The following MSRA variants were observed in gnomAD, a reference collection of about 807,000 sequenced individuals.
MSRA encodes the protein methionine sulfoxide reductase A, also known as mitochondrial peptide methionine sulfoxide reductase.
A neutral mutation model predicts 31.3 loss-of-function variants in MSRA; 54 were observed. The ratio of observed to expected loss-of-function variants is 1.73; its 90% confidence interval spans 1.39 to 2.17. MSRA has a LOEUF of 2.17. MSRA is among the 30% of genes most tolerant of loss of function. MSRA has a pLI of 0.00. For synonymous variants in MSRA, 169 were observed against 116.5 expected, an observed-to-expected ratio of 1.45 and a Z score of -2.90; for missense variants, 507 against 300.9, an observed-to-expected ratio of 1.69 and a Z score of -5.07.
At chr8:10,336,281 C>T (rs1342239248) in intron 5 of MSRA, among the ~76,000 whole-genome samples, 1 of 151,946 alleles carries the variant, frequency 6.6e-6, no homozygotes, top group East Asian at 1.9e-4. Context: ...AAAAATAGGA[C>T]CTGATTGGAG....
intron 2 of MSRA, among the ~76,000 whole-genome samples, chr8:10,241,080 G>A (rs1585250549): frequency 6.6e-6 from 1 of 152,032 alleles, no homozygotes; most frequent in Non-Finnish European, 1.5e-5. Context: ...TAATCTGGTG[G>A]GTCTGATGGG....
Position 10,207,816 on chromosome 8 carries a change from T to C in MSRA, c.143-17T>C, listed in dbSNP as rs1258719465. 1 of 432,084 alleles carries C rather than the reference T, an allele frequency of 2.3e-6. No homozygotes were observed. Among genetic ancestry groups the C allele is most frequent in the Admixed American group, 4.6e-5 (1 of 21,814 alleles). 26.8% of individuals were successfully genotyped at this position (432,084 alleles called of 1,614,324 possible). ...AACTTTACACTTAAACTTGCATTTC[T>C]TTTTTTTTTTTTCTAGCCAAACATC... On this transcript the variant is annotated splice_polypyrimidine_tract_variant and intron_variant, in intron 1 of 5. Transcript: ENST00000317173.
chr8:10,389,777 C>A (rs1332534257), intron 5 of MSRA, among the ~76,000 whole-genome samples: 1 of 145,744 alleles, frequency 6.9e-6, no homozygotes, highest in Non-Finnish European at 1.5e-5. Context: ...TTTTTTTTCC[C>A]CAGAAACTTA....
At chr8:10,085,383 A>G (rs1033374720) in intron 1 of MSRA, among the ~76,000 whole-genome samples, 2 of 152,208 alleles carry the variant, frequency 1.3e-5, no homozygotes, top group African/African-American at 2.4e-5. Flanking sequence ...GTCGTGCTCA[A>G]GAAAGTGCCT....
chr8:10,341,737 T>C (rs748764009), intron 5 of MSRA, among the ~76,000 whole-genome samples: 2 of 152,154 alleles, frequency 1.3e-5, no homozygotes, highest in Non-Finnish European at 2.9e-5. Flanking sequence ...CGGAGGTTGA[T>C]GGTGTGACGT....
At chr8:10,400,757 G>T (rs1012570080) in intron 5 of MSRA, among the ~76,000 whole-genome samples, 1 of 152,196 alleles carries the variant, frequency 6.6e-6, no homozygotes, top group African/African-American at 2.4e-5. Context: ...ATTCAGTGGG[G>T]AAAGGACAGA....
chr8:10,150,847 G>A (rs1394588160), intron 1 of MSRA, among the ~76,000 whole-genome samples: 1 of 152,092 alleles, frequency 6.6e-6, no homozygotes, highest in Non-Finnish European at 1.5e-5. Flanking sequence ...TTCCAGCATC[G>A]TTTCTGCTGC....
chr8:10,115,206 C>A (rs2129015424), intron 1 of MSRA, among the ~76,000 whole-genome samples: 1 of 152,286 alleles, frequency 6.6e-6, no homozygotes, highest in East Asian at 1.9e-4. Context: ...CATCAGCTGA[C>A]AGCACAATAA....
intron 1 of MSRA, among the ~76,000 whole-genome samples, chr8:10,094,814 T>C (rs952253503): frequency 1.3e-5 from 2 of 152,260 alleles, no homozygotes; most frequent in African/African-American, 4.8e-5. Context: ...TTAACATGAA[T>C]TAAGTAAACA....
At chr8:10,168,627 C>T (rs1307146282) in intron 1 of MSRA, among the ~76,000 whole-genome samples, 2 of 152,152 alleles carry the variant, frequency 1.3e-5, no homozygotes, top group African/African-American at 4.8e-5. Flanking sequence ...GAAAGTGAAG[C>T]TCAGAGAAGG....
chr8:10,424,978 G>C (rs1809050929), intron 5 of MSRA, among the ~76,000 whole-genome samples: 1 of 152,240 alleles, frequency 6.6e-6, no homozygotes, highest in African/African-American at 2.4e-5. Context: ...AGTGGCGGAG[G>C]GAGACCTCGC....
At chr8:10,109,150 G>T (rs1189914364) in intron 1 of MSRA, among the ~76,000 whole-genome samples, 3 of 152,120 alleles carry the variant, frequency 2.0e-5, no homozygotes, top group African/African-American at 7.2e-5. Flanking sequence ...TTAAGTCCAG[G>T]AGATAAAATG....
intron 1 of MSRA, among the ~76,000 whole-genome samples, chr8:10,163,813 C>G (rs975063082): frequency 6.6e-6 from 1 of 152,236 alleles, no homozygotes; most frequent in South Asian, 2.1e-4. Flanking sequence ...AGATGGACAC[C>G]GCATGCTGGT....
At chr8:10,287,215 C>A (rs1349728632) in intron 3 of MSRA, among the ~76,000 whole-genome samples, 2 of 152,128 alleles carry the variant, frequency 1.3e-5, no homozygotes, top group East Asian at 1.9e-4. Context: ...TTAGTAGTTA[C>A]CATTAGCTCC....
intron 1 of MSRA, among the ~76,000 whole-genome samples, chr8:10,151,325 G>C (rs531671628): frequency 5.3e-5 from 8 of 151,050 alleles, no homozygotes; most frequent in African/African-American, 1.9e-4. Flanking sequence ...CAGTGGAAAG[G>C]ATTTAGAGAG....
intron 1 of MSRA, among the ~76,000 whole-genome samples, chr8:10,068,931 T>C (rs1370230703): frequency 6.6e-5 from 10 of 152,216 alleles, no homozygotes; most frequent in Admixed American, 5.9e-4. Flanking sequence ...GGACTATCTC[T>C]CCATTTATTT....
At chr8:10,351,154 C>T (rs1055831881) in intron 5 of MSRA, among the ~76,000 whole-genome samples, 5 of 151,708 alleles carry the variant, frequency 3.3e-5, no homozygotes, top group Non-Finnish European at 7.4e-5. Flanking sequence ...GACACCTTGT[C>T]TCCACGCTCA....
chr8:10,364,832 C>A (rs1232121269), intron 5 of MSRA, among the ~76,000 whole-genome samples: 1 of 152,150 alleles, frequency 6.6e-6, no homozygotes. Context: ...GGGAAATCCC[C>A]GGATGTAGAA....
chr8:10,385,429 G>C (rs1030318014), intron 5 of MSRA, among the ~76,000 whole-genome samples: 3 of 152,242 alleles, frequency 2.0e-5, no homozygotes, highest in Admixed American at 1.3e-4. Flanking sequence ...GTGAGACTCT[G>C]TCAGAATGAC....
Sources: allele counts gnomAD v4.1 joint callset (sites outside exome capture counted in the v4.1 genomes callset), GRCh38; gene constraint gnomAD v4.1.1; transcripts MANE v1.5; gene names NCBI Gene and HGNC (gene_info 2026-07-23, HGNC 2026-07-21).